Variants in NRXN3 observed in about 807,000 individuals in gnomAD.
The protein encoded by NRXN3 is neurexin 3, also known as neurexin III.
Under a neutral mutation model 137.6 loss-of-function variants are expected in NRXN3, and 32 were observed. The ratio of observed to expected loss-of-function variants is 0.23; its 90% CI spans 0.18 to 0.31. NRXN3 has a LOEUF of 0.31. Among genes scored for constraint, NRXN3 ranks in the 10% least tolerant of loss-of-function variants. The pLI is 1.00. For synonymous variants in NRXN3, 798 were observed against 784.5 expected (o/e 1.02, Z -0.29); for missense variants, 1,574 against 2,062.5 (o/e 0.76, Z 4.59).
intron 4 of NRXN3, among the ~76,000 whole-genome samples, chr14:78,620,142 A>G (rs2097386134): frequency 6.6e-6 from 1 of 152,200 alleles, no homozygotes; most frequent in Non-Finnish European, 1.5e-5. Flanking sequence ...ACCTGTTTTT[A>G]CACTCTTGAG....
chr14:79,730,572 C>T (rs2098918349), intron 19 of NRXN3, among the ~76,000 whole-genome samples: 1 of 152,110 alleles, frequency 6.6e-6, no homozygotes, highest in Non-Finnish European at 1.5e-5. Flanking sequence ...GAAAGAAGTT[C>T]ATTATAATAA....
chr14:78,657,550 T>C (rs1474702135), intron 6 of NRXN3, among the ~76,000 whole-genome samples: 1 of 152,132 alleles, frequency 6.6e-6, no homozygotes, highest in South Asian at 2.1e-4. Context: ...AACACATATT[T>C]AAAGGAAAAA....
At chr14:79,710,033 A>T (rs1048432911) in intron 19 of NRXN3, among the ~76,000 whole-genome samples, 1 of 152,078 alleles carries the variant, frequency 6.6e-6, no homozygotes, top group African/African-American at 2.4e-5. Flanking sequence ...ATTAACCTGG[A>T]TGGGGTTTTT....
chr14:79,379,743 G>A (rs535046454), intron 15 of NRXN3, among the ~76,000 whole-genome samples: 1 of 152,130 alleles, frequency 6.6e-6, no homozygotes, highest in African/African-American at 2.4e-5. Flanking sequence ...CAAACAGGGG[G>A]CAGTTTAACT....
chr14:78,708,873 G>T (rs2098382628), intron 6 of NRXN3, among the ~76,000 whole-genome samples: 1 of 152,158 alleles, frequency 6.6e-6, no homozygotes, highest in South Asian at 2.1e-4. Context: ...TTTACTAAGG[G>T]TGCTTCAGTA....
chr14:79,805,315 T>C, intron 20 of NRXN3, 125 bp downstream of exon 20: 1 of 471,604 alleles, frequency 2.1e-6, no homozygotes, highest in Non-Finnish European at 3.7e-6. Flanking sequence ...TGTATATTTT[T>C]ATATCTATAT....
chr14:78,316,365 A>G (rs1443885348), intron 4 of NRXN3, among the ~76,000 whole-genome samples: 1 of 152,174 alleles, frequency 6.6e-6, no homozygotes. Context: ...GTAAAGGAAG[A>G]AATTCCTAAG....
chr14:79,743,519 C>A (rs912176578), intron 19 of NRXN3, among the ~76,000 whole-genome samples: 1 of 152,174 alleles, frequency 6.6e-6, no homozygotes, highest in Non-Finnish European at 1.5e-5. Context: ...CTTAACCCCC[C>A]ACCCCACAAC....
At chr14:79,203,114 A>G (rs531834780) in intron 15 of NRXN3, among the ~76,000 whole-genome samples, 1 of 152,148 alleles carries the variant, frequency 6.6e-6, no homozygotes, top group Non-Finnish European at 1.5e-5. Context: ...TTCTTCCCAT[A>G]CCTTTCCTTT....
At chr14:78,450,132 A>G (rs1224269781) in intron 4 of NRXN3, among the ~76,000 whole-genome samples, 1 of 152,230 alleles carries the variant, frequency 6.6e-6, no homozygotes, top group African/African-American at 2.4e-5. Context: ...ATCTGCTAGC[A>G]ATGACTGTGC....
At chr14:78,445,666 G>A (rs17107609) in intron 4 of NRXN3, among the ~76,000 whole-genome samples, 14,350 of 152,240 alleles carry the variant, frequency 0.094, 957 homozygotes, top group African/African-American at 0.17. Flanking sequence ...TCAACAGACT[G>A]TGAGCTCCAT....
At chr14:79,575,313 T>C (rs904416995) in intron 16 of NRXN3, among the ~76,000 whole-genome samples, 1 of 152,084 alleles carries the variant, frequency 6.6e-6, no homozygotes, top group Non-Finnish European at 1.5e-5. Flanking sequence ...AAGAATTCAG[T>C]AGAAGACGGA....
intron 17 of NRXN3, among the ~76,000 whole-genome samples, chr14:79,668,654 C>T (rs1344266216): frequency 1.3e-5 from 2 of 152,066 alleles, no homozygotes; most frequent in Non-Finnish European, 2.9e-5. Flanking sequence ...TAAGGTTTTT[C>T]AACCTATTGA....
intron 10 of NRXN3, among the ~76,000 whole-genome samples, chr14:78,940,889 A>G (rs945206324): frequency 6.6e-6 from 1 of 152,186 alleles, no homozygotes; most frequent in African/African-American, 2.4e-5. Flanking sequence ...ACTGGTCCCA[A>G]GAGAGCTGGA....
intron 8 of NRXN3, among the ~76,000 whole-genome samples, chr14:78,768,126 C>T (rs1351651029): frequency 2.7e-5 from 4 of 150,244 alleles, no homozygotes; most frequent in African/African-American, 7.3e-5. Flanking sequence ...ATTGTTAACC[C>T]AACAAAGAGA....
At chr14:79,188,968 A>T (rs1405316119) in intron 15 of NRXN3, among the ~76,000 whole-genome samples, 1 of 152,184 alleles carries the variant, frequency 6.6e-6, no homozygotes, top group Non-Finnish European at 1.5e-5. Flanking sequence ...CCCTTGTGGA[A>T]GTCAGTGTGG....
intron 16 of NRXN3, among the ~76,000 whole-genome samples, chr14:79,596,958 T>G (rs1243495694): frequency 6.6e-6 from 1 of 151,932 alleles, no homozygotes; most frequent in African/African-American, 2.4e-5. Flanking sequence ...ACTTATGGAG[T>G]CGTAACTATT....
intron 4 of NRXN3, among the ~76,000 whole-genome samples, chr14:78,312,515 GT>G (rs2078091160): frequency 6.6e-6 from 1 of 152,034 alleles, no homozygotes; most frequent in Admixed American, 6.6e-5. Flanking sequence ...CTTAATAGTT[GT>G]TTGCACTTCC....
intron 15 of NRXN3, among the ~76,000 whole-genome samples, chr14:79,397,232 A>T (rs951992516): frequency 6.6e-6 from 1 of 152,118 alleles, no homozygotes; most frequent in African/African-American, 2.4e-5. Context: ...TTCAAAACTC[A>T]TCCCTGCATG....
Sources: gnomAD v4.1 joint callset for allele counts (sites outside exome capture counted in the v4.1 genomes callset) on GRCh38, gnomAD v4.1.1 for gene constraint, MANE v1.5 for transcripts, NCBI Gene and HGNC (gene_info 2026-07-23, HGNC 2026-07-21) for gene names.